STX11: variants seen among roughly 807,000 people sequenced by gnomAD.
STX11 encodes the protein syntaxin 11.
Under a neutral mutation model 19.9 loss-of-function variants are expected in STX11, and 21 were observed. The ratio of observed to expected loss-of-function variants is 1.06; its 90% CI spans 0.75 to 1.52. The LOEUF (loss-of-function observed/expected upper bound fraction) is 1.52. Among genes scored for constraint, STX11 ranks in the 40% most tolerant of loss-of-function variants. The pLI is 0.00. For missense variants in STX11, 438 were observed against 405.9 expected, an observed-to-expected ratio of 1.08 and a Z score of -0.68; for synonymous variants, 193 against 174.4, an observed-to-expected ratio of 1.11 and a Z score of -0.84.
chr6:144,187,434 C>A lies in STX11; in HGVS notation c.807C>A (p.Tyr269Ter). Residue 269 changes from tyrosine to a stop codon, truncating the protein, a stop_gained, in exon 2 of 2, where the codon TAC (tyrosine) becomes TAA (stop). Coordinates refer to ENST00000367568, the MANE Select transcript of STX11 (RefSeq NM_003764.4). LOFTEE classifies it high-confidence loss of function. This position sits in a 1 kb window ranked among gnomAD's most constrained non-coding sequence, Gnocchi z 5.6. ...AKAQVRKAVQ[Y>*]EEKNPCRTLC... ...CGCAGGTGCGGAAGGCCGTGCAGTA[C>A]GAGGAGAAGAACCCCTGCCGGACCC... is the stretch of plus-strand genomic sequence containing the variant. 6.2e-7 allele frequency: 1 copy of A among 1,612,068 alleles called. No individual in the cohort carries two copies. Among genetic ancestry groups the A allele is most frequent in the Non-Finnish European group, 8.5e-7 (1 of 1,179,980 alleles).
intron 1 of STX11, among the ~76,000 whole-genome samples, chr6:144,156,024 CTCCTTCCTTCCTTCCT>C (rs1240238433): frequency 9.7e-6 from 1 of 102,798 alleles, no homozygotes; most frequent in African/African-American, 5.9e-5. Context: ...CTCTCTTTCT[CTCCTTCCTTCCTTCCT>C]TCCTTCCTTC....
At position 144,169,148 on chromosome 6, in the gene STX11, G is replaced by A. The variant is rs1214448592; in HGVS notation, c.-5-17475G>A. 1.3e-5 allele frequency among the ~76,000 whole-genome samples: 2 copies of A among 152,342 alleles called. No homozygotes were observed. Among genetic ancestry groups the A allele is most frequent in the East Asian group, 3.9e-4 (2 of 5,192 alleles). ...CACAAGCTTTTGCCTGTCATAGCCA[G>A]ATTACACTTATGCATGCCTGCTGCA... On this transcript the variant is annotated intron_variant, in intron 1 of 1. Coordinates refer to ENST00000367568, the MANE Select transcript of STX11 (RefSeq NM_003764.4). This position sits in a 1 kb window ranked among gnomAD's most constrained non-coding sequence, Gnocchi z 5.2.
rs574226182 is a variant in STX11 at position 144,155,098 on chromosome 6, C to T, written c.-6+4395C>T. The stretch of plus-strand genomic sequence containing the variant: ...AACTGGAATAATCAGACCTTTTCTC[C>T]TGGGAATTTACATTTTAATGGAGAC... On this transcript the variant is annotated intron_variant, in intron 1 of 1. Coordinates refer to ENST00000367568, the MANE Select transcript of STX11 (RefSeq NM_003764.4). This position sits in a 1 kb window ranked among gnomAD's most constrained non-coding sequence, Gnocchi z 4.5. Among the ~76,000 whole-genome samples the T allele has an allele frequency of 4.6e-5, 7 of 152,328 alleles. No homozygotes were observed. In the South Asian group the frequency reaches 1.4e-3, roughly 32 times the overall value.
chr6:144,154,420 AATTG>A lies in STX11; in HGVS notation c.-6+3719_-6+3722del, dbSNP rs1201826558. On this transcript the variant is annotated intron_variant, in intron 1 of 1. Transcript: ENST00000367568. This position sits in a 1 kb window ranked among gnomAD's most constrained non-coding sequence, Gnocchi z 4.7. ...AATAATCAGACATTTTTATCCTGGG[AATTG>A]AAACATCTTAATGGAGACTCACAGT... 6.6e-6 allele frequency among the ~76,000 whole-genome samples: 1 copy of A among 151,958 alleles called. No homozygotes were observed. The highest frequency in any genetic ancestry group is 6.5e-5 in the Admixed American group (1 of 15,282).
chr6:144,140,329 A>G, the STX11 span, among the ~76,000 whole-genome samples: 1 of 147,456 alleles, frequency 6.8e-6, no homozygotes, highest in Admixed American at 7.0e-5. Context: ...ATCTTGGCTC[A>G]CTGCAACTTC....
chr6:144,176,498 C>T lies in STX11; in HGVS notation c.-5-10125C>T, dbSNP rs182932619. On this transcript the variant is annotated intron_variant, in intron 1 of 1. Coordinates refer to ENST00000367568, the MANE Select transcript of STX11 (RefSeq NM_003764.4). The surrounding 1 kb of genome is among the most constrained non-coding windows in gnomAD (Gnocchi z 4.1). Reference sequence around the variant, plus strand: ...TGTCACTGAGATTCGTTTTTCCTTCCTTGCTTTACGGAGTGGGCTTGATTC... The same window carrying T: ...TGTCACTGAGATTCGTTTTTCCTTCTTTGCTTTACGGAGTGGGCTTGATTC... Among the ~76,000 whole-genome samples, 78 of 152,230 alleles carry T rather than the reference C, an allele frequency of 5.1e-4. No individual in the cohort carries two copies. The highest frequency in any genetic ancestry group is 1.9e-3 in the African/African-American group (77 of 41,536).
rs561311634 is a variant in STX11 at position 144,152,627 on chromosome 6, T to C, written c.-6+1924T>C. On this transcript the variant is annotated intron_variant, in intron 1 of 1. Transcript: ENST00000367568. This position sits in a 1 kb window ranked among gnomAD's most constrained non-coding sequence, Gnocchi z 4.9. ...GGAAATGGTGTGACTAATTAATAGGTTGTTTTGTTTTGTTTTGTTTTTTGA... is the reference window on the plus strand; with the variant it reads ...GGAAATGGTGTGACTAATTAATAGGCTGTTTTGTTTTGTTTTGTTTTTTGA... Among the ~76,000 whole-genome samples, 7 of 152,272 alleles carry C rather than the reference T, an allele frequency of 4.6e-5. No individual in the cohort carries two copies. Among genetic ancestry groups the C allele is most frequent in the African/African-American group, 1.7e-4 (7 of 41,536 alleles).
At chr6:144,185,229 C>T (rs190718183) in intron 1 of STX11, among the ~76,000 whole-genome samples, 39 of 152,268 alleles carry the variant, frequency 2.6e-4, no homozygotes, top group Non-Finnish European at 5.0e-4. Flanking sequence ...CACCATTTTC[C>T]ATTTACCACC....
Position 144,165,072 on chromosome 6 carries a change from C to T in STX11, c.-6+14369C>T, listed in dbSNP as rs1801442789. 6.6e-6 allele frequency among the ~76,000 whole-genome samples: 1 copy of T among 152,030 alleles called. No individual in the cohort carries two copies. The highest frequency in any genetic ancestry group is 2.4e-5 in the African/African-American group (1 of 41,382). ...GTAAATGTGTAAGAAATTTGATCTA[C>T]GACTACTTTTTAGTTGGTTTTGTTT... On this transcript the variant is annotated intron_variant, in intron 1 of 1. Coordinates refer to ENST00000367568, the MANE Select transcript of STX11 (RefSeq NM_003764.4). The surrounding 1 kb of genome is among the most constrained non-coding windows in gnomAD (Gnocchi z 5.8).
chr6:144,163,711 CT>C (rs1463941184), intron 1 of STX11, among the ~76,000 whole-genome samples: 4 of 152,098 alleles, frequency 2.6e-5, no homozygotes, highest in African/African-American at 9.7e-5. Flanking sequence ...TCTTGAACTC[CT>C]GACCTCAGGT....
rs1447666190 is a variant in STX11 at position 144,160,634 on chromosome 6, T to C, written c.-6+9931T>C. Reference sequence around the variant, plus strand: ...ATTAAGTACTAAGAATACCAAACATTTGGCTGATTGCAGGGAGGGAGGGAT... The same window carrying C: ...ATTAAGTACTAAGAATACCAAACATCTGGCTGATTGCAGGGAGGGAGGGAT... On this transcript the variant is annotated intron_variant, in intron 1 of 1. Transcript: ENST00000367568. This position sits in a 1 kb window ranked among gnomAD's most constrained non-coding sequence, Gnocchi z 4.3. Among the ~76,000 whole-genome samples the C allele has an allele frequency of 1.3e-5, 2 of 152,098 alleles. No homozygotes were observed. Among genetic ancestry groups the C allele is most frequent in the Non-Finnish European group, 2.9e-5 (2 of 68,016 alleles).
intron 1 of STX11, among the ~76,000 whole-genome samples, chr6:144,161,504 ATTACAGGCGCCC>A (rs1250107697): frequency 6.6e-6 from 1 of 152,122 alleles, no homozygotes; most frequent in Non-Finnish European, 1.5e-5. Flanking sequence ...AGTAGCTAGG[ATTACAGGCGCCC>A]GCCACCACGT....
rs761226172 is a variant in STX11, at chr6:144,151,807, C to G, written c.-6+1104C>G. Among the ~76,000 whole-genome samples, 7 of 152,142 alleles carry G rather than the reference C, an allele frequency of 4.6e-5. No individual in the cohort carries two copies. The highest frequency in any genetic ancestry group is 1.0e-4 in the Non-Finnish European group (7 of 68,030). On this transcript the variant is annotated intron_variant, in intron 1 of 1. Transcript: ENST00000367568. The surrounding 1 kb of genome is among the most constrained non-coding windows in gnomAD (Gnocchi z 4.6). ...GTGTTTACTAAATTGGTGCTAAAACCACATGATGATTTTTGAAGCGGGTGG... is the reference window on the plus strand; with the variant it reads ...GTGTTTACTAAATTGGTGCTAAAACGACATGATGATTTTTGAAGCGGGTGG...
Position 144,174,822 on chromosome 6 carries a change from T to C in STX11, c.-5-11801T>C, listed in dbSNP as rs116533696. On this transcript the variant is annotated intron_variant, in intron 1 of 1. Coordinates refer to ENST00000367568, the MANE Select transcript of STX11 (RefSeq NM_003764.4). The surrounding 1 kb of genome is among the most constrained non-coding windows in gnomAD (Gnocchi z 5.3). ...TTGGTTGATGTATTCATGGTTCTGATACTATCTGGTACTACAATACTAACA... is the reference window on the plus strand; with the variant it reads ...TTGGTTGATGTATTCATGGTTCTGACACTATCTGGTACTACAATACTAACA... Among the ~76,000 whole-genome samples, 320 of 152,308 alleles carry C rather than the reference T, an allele frequency of 2.1e-3. 3 individuals are homozygous for C. Among genetic ancestry groups the C allele is most frequent in the African/African-American group, 7.4e-3 (309 of 41,568 alleles).
chr6:144,148,152 A>C (rs969606562), upstream of STX11, among the ~76,000 whole-genome samples: 1 of 152,150 alleles, frequency 6.6e-6, no homozygotes, highest in South Asian at 2.1e-4. Flanking sequence ...TTCCTGTCTC[A>C]ATCAATGTAA....
In STX11 at chr6:144,167,438, A is replaced by G. The variant is rs1801512712; in HGVS notation, c.-6+16735A>G. Among the ~76,000 whole-genome samples, 1 of 152,224 alleles carries G rather than the reference A, an allele frequency of 6.6e-6. No individual in the cohort carries two copies. Among genetic ancestry groups the G allele is most frequent in the South Asian group, 2.1e-4 (1 of 4,834 alleles). ...ACACATAGCCTGAAGATAATTGTATACAATGTTTTTAATAATATTGTGCAT... is the reference window on the plus strand; with the variant it reads ...ACACATAGCCTGAAGATAATTGTATGCAATGTTTTTAATAATATTGTGCAT... On this transcript the variant is annotated intron_variant, in intron 1 of 1. Coordinates refer to ENST00000367568, the MANE Select transcript of STX11 (RefSeq NM_003764.4). The surrounding 1 kb of genome is among the most constrained non-coding windows in gnomAD (Gnocchi z 5.0).
chr6:144,186,625 A>C lies in STX11; in HGVS notation c.-3A>C, dbSNP rs371049953. 21 of 1,613,970 alleles carry C rather than the reference A, an allele frequency of 1.3e-5. No homozygotes were observed. Among genetic ancestry groups the C allele is most frequent in the Admixed American group, 1.7e-5 (1 of 60,004 alleles). ...AACTTCATTATCTCTACTTGCAGGCAAAATGAAAGACCGGCTAGCAGAACT... is the reference window on the plus strand; with the variant it reads ...AACTTCATTATCTCTACTTGCAGGCCAAATGAAAGACCGGCTAGCAGAACT... On this transcript the variant is annotated splice_region_variant and 5_prime_UTR_variant, in exon 2 of 2. Coordinates refer to ENST00000367568, the MANE Select transcript of STX11 (RefSeq NM_003764.4).
Position 144,160,591 on chromosome 6 carries a change from T to C in STX11, c.-6+9888T>C, listed in dbSNP as rs1801310051. On this transcript the variant is annotated intron_variant, in intron 1 of 1. Coordinates refer to ENST00000367568, the MANE Select transcript of STX11 (RefSeq NM_003764.4). This position sits in a 1 kb window ranked among gnomAD's most constrained non-coding sequence, Gnocchi z 4.3. ...GGCCAAGTGCTAACATGTGCATATT[T>C]AACCTATGAACCTCTACATTAAGTA... Among the ~76,000 whole-genome samples, 1 of 152,182 alleles carries C rather than the reference T, an allele frequency of 6.6e-6. No homozygotes were observed. The highest frequency in any genetic ancestry group is 1.5e-5 in the Non-Finnish European group (1 of 68,030).
At chr6:144,168,739 C>T (rs992592533) in intron 1 of STX11, among the ~76,000 whole-genome samples, 1 of 152,234 alleles carries the variant, frequency 6.6e-6, no homozygotes, top group Non-Finnish European at 1.5e-5. Flanking sequence ...TATGGCATCC[C>T]TCATGCTAAA....
Sources: allele counts gnomAD v4.1 joint callset (sites outside exome capture counted in the v4.1 genomes callset), GRCh38; gene constraint gnomAD v4.1.1; non-coding constraint Gnocchi (gnomAD v3.1); transcripts MANE v1.5; gene names NCBI Gene and HGNC (gene_info 2026-07-23, HGNC 2026-07-21).